SERPINE2: variants seen among roughly 807,000 people sequenced by gnomAD.
SERPINE2 encodes the protein glia-derived nexin.
Under a neutral mutation model 36.3 loss-of-function variants are expected in SERPINE2, and 14 were observed. That is an observed-to-expected ratio of 0.39 (90% CI 0.25 to 0.60). The LOEUF (loss-of-function observed/expected upper bound fraction) is 0.60. Ranked by LOEUF, SERPINE2 falls within the 20% of genes least tolerant of loss-of-function variation. The pLI, the probability that SERPINE2 is intolerant of heterozygous loss-of-function variation, is 0.57. For missense variants in SERPINE2, 418 were observed against 499.6 expected (o/e 0.84, Z 1.56); for synonymous variants, 192 against 191.8 (o/e 1.00, Z -0.01).
chr2:224,033,662 CAAAA>C (rs11394673), intron 1 of SERPINE2, among the ~76,000 whole-genome samples: 2 of 126,592 alleles, frequency 1.6e-5, no homozygotes, highest in South Asian at 2.5e-4. Flanking sequence ...AGTTCCATGG[CAAAA>C]AAAAAAAAAA....
rs147931185 is a variant in SERPINE2 at position 224,016,567 on chromosome 2, G to A, written c.-22-14645C>T. On this transcript the variant is annotated intron_variant, in intron 1 of 8. Coordinates refer to ENST00000409304, the MANE Select transcript of SERPINE2 (RefSeq NM_001136528.2). ...TATTATTTATTTTTTTTTAATGTAA[G>A]TTTGGCCGTTTCTTACAAAACTAAA... Among the ~76,000 whole-genome samples the A allele has an allele frequency of 3.0e-4, 45 of 151,340 alleles. 1 individual carries two copies. In the East Asian group the frequency reaches 7.4e-3, roughly 25 times the overall value.
At chr2:224,013,534 A>G (rs1691700186) in intron 1 of SERPINE2, among the ~76,000 whole-genome samples, 1 of 152,184 alleles carries the variant, frequency 6.6e-6, no homozygotes, top group Non-Finnish European at 1.5e-5. Context: ...GTAACTGGAT[A>G]AAATTGGTTT....
chr2:224,001,991 C>A, intron 1 of SERPINE2, 69 bp from the exon 2 acceptor site: 2 of 1,158,272 alleles, frequency 1.7e-6, no homozygotes, highest in South Asian at 1.6e-5. Context: ...TTTTTTTTTT[C>A]CCCCAGATAG....
At chr2:224,030,573 T>G (rs1428206219) in intron 1 of SERPINE2, 1 of 152,386 alleles carries the variant, frequency 6.6e-6, no homozygotes, top group African/African-American at 2.4e-5. Flanking sequence ...AAATTTGGCT[T>G]TGGCTCATAC....
At position 223,998,102 on chromosome 2, in the gene SERPINE2, T is replaced by C. The variant is rs1366018888; in HGVS notation, c.487+13A>G. ...CAAACTATGCAATCAAATGACATAC[T>C]GCGGCCACTCACCCCTGGTTTCATT... On this transcript the variant is annotated intron_variant, in intron 3 of 8. Transcript: ENST00000409304. The C allele has an allele frequency of 1.9e-6, 3 of 1,597,134 alleles. No homozygotes were observed. The highest frequency in any genetic ancestry group is 2.2e-5 in the East Asian group (1 of 44,806).
chr2:224,031,552 C>T (rs1353714947), intron 1 of SERPINE2: 4 of 968,838 alleles, frequency 4.1e-6, no homozygotes, highest in Non-Finnish European at 3.7e-6. Context: ...CACGGAAGGG[C>T]ATGTGACCAC....
intron 1 of SERPINE2, among the ~76,000 whole-genome samples, chr2:224,029,490 A>C (rs539280909): frequency 1.3e-5 from 2 of 152,326 alleles, no homozygotes; most frequent in South Asian, 4.1e-4. Flanking sequence ...GAATCAAATC[A>C]TAATTAAATG....
At chr2:224,038,611 G>C (rs1307120398) in intron 1 of SERPINE2, 2 of 997,042 alleles carry the variant, frequency 2.0e-6, no homozygotes, top group African/African-American at 1.6e-5. Context: ...CACACCGCGC[G>C]TCACCTCCCT....
chr2:223,998,225 A>G lies in SERPINE2; in HGVS notation c.377T>C (p.Phe126Ser). 1 of 1,614,202 alleles carries G rather than the reference A, an allele frequency of 6.2e-7. No homozygotes were observed. Among genetic ancestry groups the G allele is most frequent in the Non-Finnish European group, 8.5e-7 (1 of 1,180,022 alleles). Reference protein sequence around the residue: ...VKNASEIEVPFVTRNKDVFQC... With the variant: ...VKNASEIEVPSVTRNKDVFQC... ...GAACACATCTTTGTTCCTTGTAACA[A>G]AAGGCACTTCAATTTCAGAGGCATT... is the stretch of plus-strand genomic sequence containing the variant. Residue 126 changes from phenylalanine to serine, a missense_variant, in exon 3 of 9, where the codon TTT (phenylalanine) becomes TCT (serine). Physicochemically the swap from Phe to Ser is radical, Grantham distance 155 (BLOSUM62 -2). Coordinates refer to ENST00000409304, the MANE Select transcript of SERPINE2 (RefSeq NM_001136528.2).
At chr2:224,000,528 T>C (rs758213380) in intron 2 of SERPINE2, among the ~76,000 whole-genome samples, 4 of 152,210 alleles carry the variant, frequency 2.6e-5, no homozygotes, top group Non-Finnish European at 5.9e-5. Flanking sequence ...TCTATCTATC[T>C]GTATCTTTTC....
At chr2:223,987,603 A>G (rs1381860268) in intron 4 of SERPINE2, among the ~76,000 whole-genome samples, 2 of 152,340 alleles carry the variant, frequency 1.3e-5, no homozygotes, top group Admixed American at 1.3e-4. Context: ...AGCGGAGGTG[A>G]AAAAGAGAAA....
chr2:224,013,991 T>A (rs1404834360), intron 1 of SERPINE2: 1 of 152,282 alleles, frequency 6.6e-6, no homozygotes, highest in East Asian at 1.9e-4. Flanking sequence ...AAGCTTCAAT[T>A]ACCAGTACCA....
At chr2:223,989,364 C>T (rs935618787) in intron 4 of SERPINE2, among the ~76,000 whole-genome samples, 7 of 152,184 alleles carry the variant, frequency 4.6e-5, no homozygotes, top group Non-Finnish European at 1.0e-4. Context: ...AATAGTGAGG[C>T]GTGGCTGAGG....
Position 223,984,845 on chromosome 2 carries a change from G to A in SERPINE2, c.791C>T (p.Pro264Leu), listed in dbSNP as rs142141077. ...GATGTGTGGGATGATGGCAGACAGC[G>A]GAGTGGAGCTCTCAGTCGGCAGTGC... ...LIALPTESSTPLSAIIPHIST... is the reference protein window; with the variant it reads ...LIALPTESSTLLSAIIPHIST... The change falls in exon 5 of 9, where the codon CCG (proline) becomes CTG (leucine). Residue 264 changes from proline (P) to leucine (L), a missense_variant. Transcript: ENST00000409304. 21 of 1,613,988 alleles carry A rather than the reference G, an allele frequency of 1.3e-5. No homozygotes were observed. Among genetic ancestry groups the A allele is most frequent in the African/African-American group, 5.3e-5 (4 of 74,906 alleles).
chr2:224,026,231 G>A (rs1692177766), intron 1 of SERPINE2, among the ~76,000 whole-genome samples: 1 of 152,166 alleles, frequency 6.6e-6, no homozygotes, highest in Non-Finnish European at 1.5e-5. Flanking sequence ...GCCCACTTCG[G>A]GCTTTATACA....
At chr2:223,984,203 C>T (rs929685607) in intron 5 of SERPINE2, among the ~76,000 whole-genome samples, 3 of 152,148 alleles carry the variant, frequency 2.0e-5, no homozygotes, top group Non-Finnish European at 4.4e-5. Context: ...CCTGTTAGAA[C>T]ATGAAGATTC....
chr2:224,029,578 C>T (rs1692290972), intron 1 of SERPINE2, among the ~76,000 whole-genome samples: 2 of 152,184 alleles, frequency 1.3e-5, no homozygotes, highest in Admixed American at 1.3e-4. Flanking sequence ...TCACTGGACA[C>T]AGTAGAATGA....
At chr2:223,986,778 A>C (rs1690447318) in intron 4 of SERPINE2, among the ~76,000 whole-genome samples, 1 of 152,120 alleles carries the variant, frequency 6.6e-6, no homozygotes, top group Non-Finnish European at 1.5e-5. Flanking sequence ...CCTTGGCTGG[A>C]CCCATTATTA....
chr2:223,980,090 ATT>A, intron 7 of SERPINE2: 1 of 449,926 alleles, frequency 2.2e-6, no homozygotes, highest in Non-Finnish European at 4.0e-6. Flanking sequence ...TCCTAGAGGA[ATT>A]TCTCTCACTG....
Sources: gnomAD v4.1 joint callset for allele counts (sites outside exome capture counted in the v4.1 genomes callset) on GRCh38, gnomAD v4.1.1 for gene constraint, MANE v1.5 for transcripts, NCBI Gene and HGNC (gene_info 2026-07-23, HGNC 2026-07-21) for gene names.